Variants in EHD1 observed in about 807,000 individuals in gnomAD.
EHD1 encodes EH domain-containing protein 1.
EHD1 carries 19 observed loss-of-function variants against 39.0 expected under a neutral mutation model. That is an observed-to-expected ratio of 0.49 (90% CI 0.34 to 0.72). EHD1 has a LOEUF of 0.72. EHD1 is among the 30% of genes least tolerant of loss of function. The pLI is 0.01. For missense variants in EHD1, 542 were observed against 751.5 expected, an observed-to-expected ratio of 0.72 and a Z score of 3.26; for synonymous variants, 323 against 331.2, an observed-to-expected ratio of 0.98 and a Z score of 0.27.
chr11:64,873,029 T>A (rs1054974304), intron 2 of EHD1, among the ~76,000 whole-genome samples: 9 of 152,172 alleles, frequency 5.9e-5, no homozygotes, highest in Non-Finnish European at 1.0e-4. Flanking sequence ...ACTCCACTCC[T>A]CACCTGCCAG....
chr11:64,855,581 T>TCGC, intron 3 of EHD1, 95 bp from the exon 4 acceptor site: 1 of 1,562,958 alleles, frequency 6.4e-7, no homozygotes, highest in Non-Finnish European at 8.6e-7. Flanking sequence ...TCCAAGGTGC[T>TCGC]CGCTCAGGAA....
At position 64,854,127 on chromosome 11, in the gene EHD1, T is replaced by C; in HGVS notation, c.*206A>G. The stretch of plus-strand genomic sequence containing the variant: ...TTATATATTAAAATAGCCACAGTTC[T>C]TGTGCACACAATTCCATCCTCTCAC... On this transcript the variant is annotated 3_prime_UTR_variant, in exon 5 of 5. Coordinates refer to ENST00000320631, the MANE Select transcript of EHD1 (RefSeq NM_006795.4). The C allele has an allele frequency of 2.4e-6, 2 of 843,766 alleles. No homozygotes were observed. Among genetic ancestry groups the C allele is most frequent in the East Asian group, 2.7e-5 (1 of 37,182 alleles). 52.3% of individuals were successfully genotyped at this position (843,766 alleles called of 1,614,324 possible). A position where few individuals can be genotyped will look rare whatever the true frequency, so the allele number is the denominator to read the frequency against.
chr11:64,871,235 T>C (rs1017080296), intron 2 of EHD1, among the ~76,000 whole-genome samples: 3 of 152,158 alleles, frequency 2.0e-5, no homozygotes, highest in African/African-American at 7.2e-5. Flanking sequence ...CCCTGGTGCG[T>C]GCTCTGCCGG....
intron 2 of EHD1, among the ~76,000 whole-genome samples, chr11:64,864,345 C>T (rs888978265): frequency 2.6e-5 from 4 of 152,250 alleles, no homozygotes; most frequent in Non-Finnish European, 5.9e-5. Context: ...CACCTCATGC[C>T]ACCACAGGCT....
At chr11:64,870,265 C>T (rs1056729676) in intron 2 of EHD1, among the ~76,000 whole-genome samples, 5 of 152,176 alleles carry the variant, frequency 3.3e-5, no homozygotes, top group Admixed American at 2.6e-4. Context: ...CCCAAGCTCC[C>T]GGCACTCCTT....
rs1333125384 is a variant in EHD1 at position 64,858,181 on chromosome 11, A to ATTTCT, written c.915+1738_915+1742dup. The stretch of plus-strand genomic sequence containing the variant: ...GAGCCACCATGCCTGGCCAGAGCCT[A>ATTTCT]TTTCTTTTCTTTTTTTTTGAGACAG... On this transcript the variant is annotated intron_variant, in intron 3 of 4. Transcript: ENST00000320631. 5.1e-5 allele frequency among the ~76,000 whole-genome samples: 3 copies of ATTTCT among 58,374 alleles called. No individual in the cohort carries two copies. The East Asian group carries it at 9.6e-4, about 19-fold the overall frequency. 38.3% of individuals were successfully genotyped at this position (58,374 alleles called of 152,430 possible).
rs916662618 is a variant in EHD1, at chr11:64,878,252, C to T, written c.213G>A (p.Lys71=). 8.1e-6 allele frequency: 13 copies of T among 1,614,016 alleles called. No homozygotes were observed. The highest frequency in any genetic ancestry group is 1.1e-5 in the Non-Finnish European group (13 of 1,180,008). The stretch of plus-strand genomic sequence containing the variant: ...CGATCAGGTGTCGGATGAAGGTGGT[C>T]TTGCCCGTGCTGTACTGCCCCACGA... ...VLLVGQYSTG[K]TTFIRHLIEQ... Residue 71 remains lysine (K), a synonymous_variant, in exon 1 of 5, where the codon AAG becomes AAA. Transcript: ENST00000320631.
Position 64,867,134 on chromosome 11 carries a change from T to G in EHD1, c.503-6798A>C, listed in dbSNP as rs1171463018. Reference sequence around the variant, plus strand: ...CCATGACCAAAAAACGTGGTTAAAATGAGGCCGGGCGCAGTGGCTCACACC... The same window carrying G: ...CCATGACCAAAAAACGTGGTTAAAAGGAGGCCGGGCGCAGTGGCTCACACC... On this transcript the variant is annotated intron_variant, in intron 2 of 4. Transcript: ENST00000320631. Among the ~76,000 whole-genome samples, 3 of 152,138 alleles carry G rather than the reference T, an allele frequency of 2.0e-5. No homozygotes were observed. In the East Asian group the frequency reaches 5.8e-4, roughly 29 times the overall value.
upstream of EHD1, chr11:64,879,593 G>C (rs1266149636): frequency 2.6e-6 from 4 of 1,550,932 alleles, no homozygotes; most frequent in African/African-American, 4.1e-5. Flanking sequence ...ACTGGGATCT[G>C]TGCCCTACCT....
At chr11:64,879,165 G>T, upstream of EHD1, 1 of 1,034,374 alleles carries the variant, frequency 9.7e-7, no homozygotes. Context: ...ATCTGCTTTG[G>T]GAGAGGGAGA....
At chr11:64,877,787 G>C (rs964926083) in intron 1 of EHD1, 2 of 366,572 alleles carry the variant, frequency 5.5e-6, no homozygotes, top group African/African-American at 4.2e-5. Flanking sequence ...CTGCTGAGGG[G>C]AGTGGGGCTG....
chr11:64,874,267 G>GCACTC (rs1943861481), intron 2 of EHD1, among the ~76,000 whole-genome samples, 154 bp downstream of exon 2: 1 of 137,750 alleles, frequency 7.3e-6, no homozygotes, highest in South Asian at 2.3e-4. Context: ...TCGCGCCACT[G>GCACTC]CACTCCAGCC....
chr11:64,866,443 C>T (rs780129879), intron 2 of EHD1, among the ~76,000 whole-genome samples: 2 of 152,256 alleles, frequency 1.3e-5, no homozygotes, highest in East Asian at 1.9e-4. Context: ...CGCTTGTAAT[C>T]GCAGCACTCT....
intron 1 of EHD1, among the ~76,000 whole-genome samples, 156 bp from the exon 2 acceptor site, chr11:64,874,674 G>A (rs1411371278): frequency 1.3e-5 from 2 of 152,188 alleles, no homozygotes; most frequent in African/African-American, 4.8e-5. Context: ...TAGTTTCCCG[G>A]GGTGGCCGGC....
At chr11:64,859,391 G>A (rs190208319) in intron 3 of EHD1, among the ~76,000 whole-genome samples, 12 of 152,222 alleles carry the variant, frequency 7.9e-5, no homozygotes, top group South Asian at 4.2e-4. Flanking sequence ...ATAGTGGTGC[G>A]TGCCTGTGAT....
chr11:64,860,629 G>A (rs1316292354), intron 2 of EHD1, among the ~76,000 whole-genome samples: 1 of 150,218 alleles, frequency 6.7e-6, no homozygotes, highest in Non-Finnish European at 1.5e-5. Context: ...TGAAGCAGGA[G>A]AATCGCTTGA....
At position 64,874,482 on chromosome 11, in the gene EHD1, G is replaced by A. The variant is rs1943864325; in HGVS notation, c.441C>T (p.Asp147=). ...CGGGGGTGTCGATGATGCTGATGCT[G>A]TCCAGGACGGGGTTGGGCAGCTGGG... ...MCAQLPNPVL[D]SISIIDTPGI... is the part of the protein sequence containing the mutation. Residue 147 remains aspartate, a synonymous_variant, in exon 2 of 5, where the codon GAC becomes GAT. Coordinates refer to ENST00000320631, the MANE Select transcript of EHD1 (RefSeq NM_006795.4). 6.2e-7 allele frequency: 1 copy of A among 1,611,222 alleles called. No individual in the cohort carries two copies. Among genetic ancestry groups the A allele is most frequent in the Non-Finnish European group, 8.5e-7 (1 of 1,178,944 alleles).
chr11:64,862,153 C>T (rs927289095), intron 2 of EHD1, among the ~76,000 whole-genome samples: 2 of 152,288 alleles, frequency 1.3e-5, no homozygotes, highest in Non-Finnish European at 1.5e-5. Context: ...GAGATTCTCC[C>T]GCCTTGGCCT....
intron 1 of EHD1, among the ~76,000 whole-genome samples, chr11:64,876,069 C>T (rs1943882412): frequency 6.6e-6 from 1 of 152,230 alleles, no homozygotes; most frequent in Admixed American, 6.5e-5. Context: ...GCCTCCGATT[C>T]CATCTCACCA....
Sources: allele counts gnomAD v4.1 joint callset (sites outside exome capture counted in the v4.1 genomes callset), GRCh38; gene constraint gnomAD v4.1.1; transcripts MANE v1.5; gene names NCBI Gene and HGNC (gene_info 2026-07-23, HGNC 2026-07-21).